The following GNAQ variants were observed in gnomAD, a reference collection of about 807,000 sequenced individuals.
GNAQ encodes the protein G protein subunit alpha q, also known as guanine nucleotide-binding protein G(q) subunit alpha.
Under a neutral mutation model 43.9 loss-of-function variants are expected in GNAQ, and 8 were observed. The observed-to-expected ratio is 0.18, with a 90% CI of 0.11 to 0.33. The LOEUF is 0.33. Ranked by LOEUF, GNAQ falls within the 10% of genes least tolerant of loss-of-function variation. The pLI, the probability that GNAQ is intolerant of heterozygous loss-of-function variation, is 1.00. For missense variants in GNAQ, 158 were observed against 450.8 expected, an observed-to-expected ratio of 0.35 and a Z score of 5.88; for synonymous variants, 155 against 170.7, an observed-to-expected ratio of 0.91 and a Z score of 0.71.
chr9:77,773,736 G>A (rs112388732), intron 5 of GNAQ, among the ~76,000 whole-genome samples: 1 of 152,130 alleles, frequency 6.6e-6, no homozygotes, highest in Non-Finnish European at 1.5e-5. Flanking sequence ...ATAGGTTCCC[G>A]TGTGAAAACA....
intron 1 of GNAQ, among the ~76,000 whole-genome samples, chr9:77,984,047 A>T (rs1397094664): frequency 2.0e-5 from 2 of 102,266 alleles, no homozygotes; most frequent in Non-Finnish European, 1.9e-5. Context: ...AATTTTGGAG[A>T]GCAAAAAAAA....
At chr9:77,999,547 A>T (rs1173541493) in intron 1 of GNAQ, among the ~76,000 whole-genome samples, 1 of 152,218 alleles carries the variant, frequency 6.6e-6, no homozygotes, top group Non-Finnish European at 1.5e-5. Flanking sequence ...CACAAGAACT[A>T]AGGAATTAGG....
intron 2 of GNAQ, among the ~76,000 whole-genome samples, chr9:77,841,783 C>T (rs1827495028): frequency 6.6e-6 from 1 of 152,114 alleles, no homozygotes; most frequent in Non-Finnish European, 1.5e-5. Context: ...GACTAGACAC[C>T]ATCCTTAATA....
chr9:77,904,561 T>C (rs1828672723), intron 2 of GNAQ, among the ~76,000 whole-genome samples: 1 of 152,066 alleles, frequency 6.6e-6, no homozygotes, highest in Non-Finnish European at 1.5e-5. Context: ...CTCGATCTCC[T>C]GACCTCATGA....
chr9:77,782,863 A>T (rs1826416463), intron 5 of GNAQ, among the ~76,000 whole-genome samples: 1 of 152,232 alleles, frequency 6.6e-6, no homozygotes. Context: ...AATACTTATC[A>T]GGAGAAGCTA....
chr9:77,950,205 C>T (rs1323738359), intron 1 of GNAQ, among the ~76,000 whole-genome samples: 1 of 152,194 alleles, frequency 6.6e-6, no homozygotes, highest in African/African-American at 2.4e-5. Context: ...CTGGTCAGCT[C>T]TAAACTCATC....
chr9:78,008,624 T>C lies in GNAQ; in HGVS notation c.136+22476A>G, dbSNP rs7468183. The stretch of plus-strand genomic sequence containing the variant: ...CATTTCATTTCATTTCATTTCATTT[T>C]ATTTTATTTTTTGAGACGGAGTCTC... On this transcript the variant is annotated intron_variant, in intron 1 of 6. Transcript: ENST00000286548. Among the ~76,000 whole-genome samples, 876 of 134,090 alleles carry C rather than the reference T, an allele frequency of 6.5e-3. 9 individuals are homozygous for C. Among genetic ancestry groups the C allele is most frequent in the Non-Finnish European group, 6.0e-3 (375 of 62,554 alleles). 88.0% of individuals were successfully genotyped at this position (134,090 alleles called of 152,430 possible).
intron 2 of GNAQ, among the ~76,000 whole-genome samples, chr9:77,911,653 G>T (rs1480337986): frequency 6.6e-6 from 1 of 152,152 alleles, no homozygotes; most frequent in Admixed American, 6.5e-5. Flanking sequence ...TGCTACAGAT[G>T]GTGAAGATAA....
intron 1 of GNAQ, among the ~76,000 whole-genome samples, chr9:77,967,750 C>T (rs1384150561): frequency 2.0e-5 from 3 of 152,044 alleles, no homozygotes; most frequent in South Asian, 4.1e-4. Context: ...GAGGCTGAGG[C>T]GGATGGATCA....
chr9:77,806,097 T>C (rs1470768497), intron 3 of GNAQ, among the ~76,000 whole-genome samples: 1 of 151,976 alleles, frequency 6.6e-6, no homozygotes, highest in Non-Finnish European at 1.5e-5. Flanking sequence ...AAAAAATAAA[T>C]CAACTTTGTA....
intron 6 of GNAQ, among the ~76,000 whole-genome samples, chr9:77,726,405 A>G (rs944817372): frequency 6.6e-6 from 1 of 152,170 alleles, no homozygotes; most frequent in Non-Finnish European, 1.5e-5. Context: ...AGGATCTTAC[A>G]TGTATTTGAG....
chr9:77,743,069 C>T (rs184298053), intron 5 of GNAQ, among the ~76,000 whole-genome samples: 1 of 152,228 alleles, frequency 6.6e-6, no homozygotes, highest in African/African-American at 2.4e-5. Context: ...ACCACCCTGG[C>T]TAACACGGTG....
chr9:77,816,592 A>AATATATATATATACACACACAT (rs1827020397), intron 2 of GNAQ, among the ~76,000 whole-genome samples: 1 of 151,698 alleles, frequency 6.6e-6, no homozygotes, highest in African/African-American at 2.4e-5. Flanking sequence ...TATGGAATGC[A>AATATATATATATACACACACAT]ATATATATAT....
At chr9:77,779,968 G>T (rs1284835688) in intron 5 of GNAQ, among the ~76,000 whole-genome samples, 1 of 151,852 alleles carries the variant, frequency 6.6e-6, no homozygotes, top group African/African-American at 2.4e-5. Context: ...AATCACTGGT[G>T]ATCTCTTTTT....
At position 77,851,645 on chromosome 9, in the gene GNAQ, G is replaced by A. The variant is rs550511114; in HGVS notation, c.322-35875C>T. Among the ~76,000 whole-genome samples, 3 of 152,262 alleles carry A rather than the reference G, an allele frequency of 2.0e-5. No homozygotes were observed. In the East Asian group the frequency reaches 5.8e-4, roughly 29 times the overall value. On this transcript the variant is annotated intron_variant, in intron 2 of 6. Transcript: ENST00000286548. ...AACTGTGTCCTGCCTCCCCACTCCT[G>A]ATCCCTCCTGTCAGTTTCCCACTAG...
At chr9:77,866,611 A>T (rs1207674904) in intron 2 of GNAQ, among the ~76,000 whole-genome samples, 1 of 152,224 alleles carries the variant, frequency 6.6e-6, no homozygotes, top group Non-Finnish European at 1.5e-5. Context: ...CCCAATCAGG[A>T]GTACTTCTCT....
intron 2 of GNAQ, among the ~76,000 whole-genome samples, chr9:77,849,741 A>C (rs1177276791): frequency 1.3e-5 from 2 of 152,118 alleles, no homozygotes; most frequent in Middle Eastern, 3.2e-3. Flanking sequence ...ATCATGGCTC[A>C]CTGCAACCTC....
intron 2 of GNAQ, among the ~76,000 whole-genome samples, chr9:77,898,927 C>G (rs1828548099): frequency 6.6e-6 from 1 of 152,118 alleles, no homozygotes; most frequent in South Asian, 2.1e-4. Context: ...TCATGCATTA[C>G]TTTCTAGATC....
chr9:77,784,459 A>C (rs1480962564), intron 5 of GNAQ, among the ~76,000 whole-genome samples: 2 of 152,206 alleles, frequency 1.3e-5, no homozygotes, highest in Admixed American at 6.5e-5. Flanking sequence ...TATGATGTTA[A>C]AATGTTGGTA....
Sources: gnomAD v4.1 joint callset for allele counts (sites outside exome capture counted in the v4.1 genomes callset) on GRCh38, gnomAD v4.1.1 for gene constraint, MANE v1.5 for transcripts, NCBI Gene and HGNC (gene_info 2026-07-23, HGNC 2026-07-21) for gene names.